Variants in RPAP3 observed in about 807,000 individuals in gnomAD.
The protein encoded by RPAP3 is RNA polymerase II-associated protein 3.
RPAP3 carries 58 observed loss-of-function variants against 88.8 expected under a neutral mutation model. That is an observed-to-expected ratio of 0.65 (90% CI 0.53 to 0.81). The LOEUF (loss-of-function observed/expected upper bound fraction) is 0.81, where lower values mean the gene tolerates loss of function less well. Ranked by LOEUF, RPAP3 falls within the 40% of genes least tolerant of loss-of-function variation. The pLI is 0.00. For synonymous variants in RPAP3, 255 were observed against 259.9 expected, an observed-to-expected ratio of 0.98 and a Z score of 0.18; for missense variants, 751 against 764.3, an observed-to-expected ratio of 0.98 and a Z score of 0.20.
rs997242252 is a variant in RPAP3 at position 47,695,228 on chromosome 12, C to T, written c.545+1048G>A. On this transcript the variant is annotated intron_variant, in intron 5 of 16. Transcript: ENST00000005386. ...GGTATATTTCTAAAAAGAAATTATCCTATATAACAGTTACAATGAGAGCTC... is the reference window on the plus strand; with the variant it reads ...GGTATATTTCTAAAAAGAAATTATCTTATATAACAGTTACAATGAGAGCTC... 9.9e-5 allele frequency among the ~76,000 whole-genome samples: 15 copies of T among 151,906 alleles called. No individual in the cohort carries two copies. In the East Asian group the frequency reaches 2.9e-3, roughly 29 times the overall value.
intron 6 of RPAP3, among the ~76,000 whole-genome samples, chr12:47,690,050 A>G (rs1430166243): frequency 6.6e-6 from 1 of 151,440 alleles, no homozygotes; most frequent in Non-Finnish European, 1.5e-5. Context: ...TCAAAAAAAA[A>G]AAAAAGAAAA....
At chr12:47,670,947 A>C (rs980874672) in intron 12 of RPAP3, among the ~76,000 whole-genome samples, 1 of 152,220 alleles carries the variant, frequency 6.6e-6, no homozygotes, top group Non-Finnish European at 1.5e-5. Flanking sequence ...TATGGGATAG[A>C]CTATCATTAA....
chr12:47,675,037 A>T (rs1005890815), intron 12 of RPAP3, among the ~76,000 whole-genome samples: 1 of 152,212 alleles, frequency 6.6e-6, no homozygotes, highest in African/African-American at 2.4e-5. Context: ...CATCAGACTA[A>T]CAGCAGATCT....
rs1288641753 is a variant in RPAP3, at chr12:47,663,172, G to A, written c.*333C>T. On this transcript the variant is annotated 3_prime_UTR_variant, in exon 17 of 17. Coordinates refer to ENST00000005386, the MANE Select transcript of RPAP3 (RefSeq NM_024604.3). The stretch of plus-strand genomic sequence containing the variant: ...TGCTAATGAAGCAGCTTTGGCAAGT[G>A]GTTACAAAAACTCATGAAAATATAA... 2 of 170,450 alleles carry A rather than the reference G, an allele frequency of 1.2e-5. No individual in the cohort carries two copies. Among genetic ancestry groups the A allele is most frequent in the African/African-American group, 2.4e-5 (1 of 41,892 alleles). 10.6% of individuals were successfully genotyped at this position (170,450 alleles called of 1,614,324 possible). A position where few individuals can be genotyped will look rare whatever the true frequency, so the allele number is the denominator to read the frequency against.
chr12:47,665,939 T>C (rs1339186755), intron 16 of RPAP3, among the ~76,000 whole-genome samples: 5 of 152,170 alleles, frequency 3.3e-5, no homozygotes, highest in Admixed American at 6.5e-5. Context: ...AAAAAATATA[T>C]ATATCTAAAT....
In RPAP3 at chr12:47,681,776, A is replaced by G; in HGVS notation, c.1034T>C (p.Leu345Ser). 6.2e-7 allele frequency: 1 copy of G among 1,610,170 alleles called. No homozygotes were observed. ...AEKDCTQAIL[L>S]DGSYSKAFAR... ...AAAAGCTTTAGAATATGAGCCATCTAATAAAATGGCTTGTGTGCAGTCTTT... is the reference window on the plus strand; with the variant it reads ...AAAAGCTTTAGAATATGAGCCATCTGATAAAATGGCTTGTGTGCAGTCTTT... Residue 345 changes from leucine to serine, a missense_variant, in exon 10 of 17, where the codon TTA (leucine) becomes TCA (serine). Coordinates refer to ENST00000005386, the MANE Select transcript of RPAP3 (RefSeq NM_024604.3).
chr12:47,703,082 A>AAAGGT (rs1257745683), intron 1 of RPAP3, among the ~76,000 whole-genome samples: 6 of 152,264 alleles, frequency 3.9e-5, no homozygotes, highest in Non-Finnish European at 7.3e-5. Flanking sequence ...AACATTAAAG[A>AAAGGT]AAGGTAATGG....
rs774443950 is a variant in RPAP3 at position 47,670,221 on chromosome 12, G to A, written c.1412C>T (p.Ala471Val). The stretch of plus-strand genomic sequence containing the variant: ...ATTCTTCTTACTTGTGGTGCCTGTG[G>A]CTGCTATTACATTTGCTAGATTAAT... Reference protein sequence around the residue: ...NPINLANVIAATGTTSKKNSS... With the variant: ...NPINLANVIAVTGTTSKKNSS... Residue 471 changes from alanine (A) to valine (V), a missense_variant, in exon 13 of 17, where the codon GCC becomes GTC. Transcript: ENST00000005386. 6.2e-7 allele frequency: 1 copy of A among 1,613,756 alleles called. No homozygotes were observed. The highest frequency in any genetic ancestry group is 1.3e-5 in the African/African-American group (1 of 75,028).
rs1443621966 is a variant in RPAP3, at chr12:47,706,019, A to C, written c.-74T>G. The C allele has an allele frequency of 6.6e-6, 1 of 152,614 alleles. No individual in the cohort carries two copies. The highest frequency in any genetic ancestry group is 1.5e-5 in the Non-Finnish European group (1 of 68,330). The allele number at this position is 152,614 out of a possible 1,614,324, so 9.5% of individuals were successfully genotyped here. ...CGCAGCGACTCACGCCGAGCCCGGC[A>C]GTGACTCACGCAAAGCCCCGCCTCC... On this transcript the variant is annotated 5_prime_UTR_variant, in exon 1 of 17. Transcript: ENST00000005386.
At chr12:47,701,273 G>C in intron 3 of RPAP3, 191 bp downstream of exon 3, 1 of 380,674 alleles carries the variant, frequency 2.6e-6, no homozygotes, top group Non-Finnish European at 4.6e-6. Flanking sequence ...GCTGAAAGAG[G>C]ATTGCAGAAA....
At position 47,681,681 on chromosome 12, in the gene RPAP3, G is replaced by C; in HGVS notation, c.1114+15C>G. 1 of 1,610,944 alleles carries C rather than the reference G, an allele frequency of 6.2e-7. No homozygotes were observed. The highest frequency in any genetic ancestry group is 8.5e-7 in the Non-Finnish European group (1 of 1,178,756). ...TCATCAGGATGACTGAGTGCCAGCT[G>C]TTATAAAGTCTTACCTTGTTTTGCC... is the stretch of plus-strand genomic sequence containing the variant. On this transcript the variant is annotated intron_variant, in intron 10 of 16. Transcript: ENST00000005386.
intron 12 of RPAP3, among the ~76,000 whole-genome samples, chr12:47,670,615 G>A (rs1287502890): frequency 3.9e-5 from 6 of 152,146 alleles, no homozygotes; most frequent in African/African-American, 7.2e-5. Context: ...AGCACAAAAC[G>A]CTAAGAGAAC....
At chr12:47,674,166 G>A (rs191794912) in intron 12 of RPAP3, among the ~76,000 whole-genome samples, 62 of 149,708 alleles carry the variant, frequency 4.1e-4, no homozygotes, top group African/African-American at 1.4e-3. Context: ...CAAGATGGCC[G>A]AATAGGCACA....
chr12:47,705,276 T>C (rs547940796), intron 1 of RPAP3, among the ~76,000 whole-genome samples: 20 of 152,304 alleles, frequency 1.3e-4, no homozygotes, highest in African/African-American at 4.8e-4. Flanking sequence ...GAAGGGACAG[T>C]TGCAGATGCA....
Position 47,703,451 on chromosome 12 carries a change from C to T in RPAP3, c.-6-605G>A, listed in dbSNP as rs112167748. ...AGGTGCCAGGATTATCCCTTCCTCT[C>T]ATGGATTGTGACAACGAAGAATCCC... On this transcript the variant is annotated intron_variant, in intron 1 of 16. Coordinates refer to ENST00000005386, the MANE Select transcript of RPAP3 (RefSeq NM_024604.3). Among the ~76,000 whole-genome samples, 322 of 152,336 alleles carry T rather than the reference C, an allele frequency of 2.1e-3. 1 individual carries two copies. Among genetic ancestry groups the T allele is most frequent in the African/African-American group, 7.5e-3 (311 of 41,576 alleles).
In RPAP3 at chr12:47,668,897, C is replaced by T. The variant is rs1365763576; in HGVS notation, c.1713+19G>A. The T allele has an allele frequency of 4.2e-5, 66 of 1,584,134 alleles. No individual in the cohort carries two copies. Among genetic ancestry groups the T allele is most frequent in the Non-Finnish European group, 5.7e-5 (66 of 1,152,946 alleles). On this transcript the variant is annotated intron_variant, in intron 14 of 16. Transcript: ENST00000005386. ...TGACCTTTTACTTACAACAGAAGTA[C>T]TACCTTCCTCTCTCTTACCTTTAAA...
rs1481234160 is a variant in RPAP3 at position 47,670,296 on chromosome 12, G to C, written c.1337C>G (p.Thr446Ser). ...IIEETGNLIQTIDVPDSTTAA... is the reference protein window; with the variant it reads ...IIEETGNLIQSIDVPDSTTAA... ...AGTAGTGCTATCTGGCACATCAATA[G>C]TCTGTATCAAATTACCAGTTTCTTC... The change falls in exon 13 of 17, where the codon ACT (threonine) becomes AGT (serine). Residue 446 changes from threonine to serine, a missense_variant. Thr to Ser is a moderately conservative substitution (Grantham distance 58). Transcript: ENST00000005386. The C allele has an allele frequency of 2.5e-6, 4 of 1,612,572 alleles. No individual in the cohort carries two copies. The highest frequency in any genetic ancestry group is 3.4e-6 in the Non-Finnish European group (4 of 1,178,998).
intron 5 of RPAP3, among the ~76,000 whole-genome samples, chr12:47,691,638 G>C (rs1164353849): frequency 1.3e-5 from 2 of 152,316 alleles, no homozygotes; most frequent in Non-Finnish European, 1.5e-5. Flanking sequence ...CTGCAGAATG[G>C]ATATTGTGTT....
chr12:47,703,081 G>T (rs1592489997), intron 1 of RPAP3, among the ~76,000 whole-genome samples: 1 of 152,338 alleles, frequency 6.6e-6, no homozygotes, highest in South Asian at 2.1e-4. Flanking sequence ...CAACATTAAA[G>T]AAAGGTAATG....
Sources: allele counts gnomAD v4.1 joint callset (sites outside exome capture counted in the v4.1 genomes callset), GRCh38; gene constraint gnomAD v4.1.1; transcripts MANE v1.5; gene names NCBI Gene and HGNC (gene_info 2026-07-23, HGNC 2026-07-21).